The following NAE1 variants were observed in gnomAD, a reference collection of about 807,000 sequenced individuals.
The protein encoded by NAE1 is NEDD8 activating enzyme E1 subunit 1, also known as NEDD8-activating enzyme E1 regulatory subunit.
Under a neutral mutation model 88.0 loss-of-function variants are expected in NAE1, and 59 were observed. The observed-to-expected ratio is 0.67, with a 90% confidence interval of 0.54 to 0.83. The LOEUF is 0.83. Among genes scored for constraint, NAE1 ranks in the 40% least tolerant of loss-of-function variants. The pLI is 0.00. For synonymous variants in NAE1, 186 were observed against 208.9 expected (o/e 0.89, Z 0.95); for missense variants, 554 against 632.8 (o/e 0.88, Z 1.34).
intron 15 of NAE1, among the ~76,000 whole-genome samples, chr16:66,809,456 G>A (rs1168183949): frequency 1.3e-5 from 2 of 152,188 alleles, no homozygotes; most frequent in Non-Finnish European, 2.9e-5. Context: ...CATTATTATG[G>A]ATAAGTAGTC....
chr16:66,826,219 T>C (rs1393602081), intron 3 of NAE1: 4 of 334,218 alleles, frequency 1.2e-5, no homozygotes, highest in African/African-American at 6.3e-5. Flanking sequence ...TTGTTAATTA[T>C]ATGCTAACAC....
intron 6 of NAE1, among the ~76,000 whole-genome samples, chr16:66,822,670 ATTTATTTT>A (rs1567495410): frequency 2.1e-5 from 3 of 142,598 alleles, no homozygotes; most frequent in African/African-American, 7.7e-5. Context: ...TTATTTATTT[ATTTATTTT>A]TTTTTTTTGA....
intron 7 of NAE1, among the ~76,000 whole-genome samples, chr16:66,820,348 A>G (rs988329056): frequency 6.6e-6 from 1 of 152,258 alleles, no homozygotes; most frequent in Non-Finnish European, 1.5e-5. Context: ...GTCTGCCTAT[A>G]AACGACTTTG....
At chr16:66,818,204 T>A (rs1326897443) in intron 8 of NAE1, among the ~76,000 whole-genome samples, 1 of 152,174 alleles carries the variant, frequency 6.6e-6, no homozygotes, top group Non-Finnish European at 1.5e-5. Flanking sequence ...AAGGAGTAAA[T>A]CTTATTTATT....
At chr16:66,804,710 G>GT (rs1297626168) in intron 19 of NAE1, among the ~76,000 whole-genome samples, 3 of 152,080 alleles carry the variant, frequency 2.0e-5, no homozygotes, top group African/African-American at 7.2e-5. Context: ...CAGTGTAATT[G>GT]TATGAGGATA....
intron 11 of NAE1, 25 bp from the exon 12 acceptor site, chr16:66,813,871 A>T: frequency 6.3e-7 from 1 of 1,597,804 alleles, no homozygotes; most frequent in African/African-American, 1.3e-5. Flanking sequence ...TGAAACATTT[A>T]CTTACACAGT....
chr16:66,817,228 T>C, intron 9 of NAE1, 197 bp downstream of exon 9: 1 of 892,626 alleles, frequency 1.1e-6, no homozygotes, highest in Non-Finnish European at 1.7e-6. Flanking sequence ...CATAATGACA[T>C]TTATTGAATT....
rs770980813 is a variant in NAE1, at chr16:66,808,549, T to A, written c.1302A>T (p.Arg434Ser). 2 of 1,602,940 alleles carry A rather than the reference T, an allele frequency of 1.2e-6. No individual in the cohort carries two copies. Among genetic ancestry groups the A allele is most frequent in the Non-Finnish European group, 1.7e-6 (2 of 1,172,112 alleles). The change falls in exon 17 of 20, where the codon AGA becomes AGT. Residue 434 changes from arginine to serine, a missense_variant. Transcript: ENST00000290810. ...GATATCTACCCTGTTGTTTATGAAA[T>A]CTATCAACAGCCCGTAACATTAAGT... is the stretch of plus-strand genomic sequence containing the variant. ...VLYLMLRAVD[R>S]FHKQQGRYPG...
intron 7 of NAE1, among the ~76,000 whole-genome samples, chr16:66,820,367 C>A (rs971269756): frequency 2.0e-5 from 3 of 152,228 alleles, no homozygotes; most frequent in African/African-American, 7.2e-5. Context: ...TGGTCTCTTA[C>A]AACAGTTTCC....
chr16:66,814,782 C>T lies in NAE1; in HGVS notation c.841-936G>A, dbSNP rs1016174791. On this transcript the variant is annotated intron_variant, in intron 11 of 19. Transcript: ENST00000290810. ...TTTTAGAATACAAAGCAGCTCAATC[C>T]ACTTCCCTGACTGAAATGCTTAAAT... 2.6e-5 allele frequency among the ~76,000 whole-genome samples: 4 copies of T among 152,242 alleles called. No homozygotes were observed. In the East Asian group the frequency reaches 5.8e-4, roughly 22 times the overall value.
intron 14 of NAE1, 121 bp from the exon 15 acceptor site, chr16:66,810,534 AAAAAT>A: frequency 3.5e-6 from 4 of 1,127,322 alleles, no homozygotes; most frequent in Non-Finnish European, 5.2e-6. Flanking sequence ...AGAGCACTTT[AAAAAT>A]ATCTTGTTTC....
At chr16:66,803,741 C>T (rs1038509179) in intron 19 of NAE1, among the ~76,000 whole-genome samples, 2 of 152,054 alleles carry the variant, frequency 1.3e-5, no homozygotes, top group African/African-American at 4.8e-5. Flanking sequence ...CAGATGCCTG[C>T]CACCACACCT....
Position 66,821,872 on chromosome 16 carries a change from A to G in NAE1, c.402-313T>C, listed in dbSNP as rs363210. 5.0e-3 allele frequency among the ~76,000 whole-genome samples: 756 copies of G among 152,224 alleles called. 9 individuals are homozygous for G. Among genetic ancestry groups the G allele is most frequent in the African/African-American group, 0.018 (727 of 41,536 alleles). ...TAGAGAAAAAATATAAAACCCACAA[A>G]TACACCCCTAACAATTCCAATAACC... On this transcript the variant is annotated intron_variant, in intron 6 of 19. Coordinates refer to ENST00000290810, the MANE Select transcript of NAE1 (RefSeq NM_003905.4).
chr16:66,810,555 C>T, intron 14 of NAE1, 142 bp from the exon 15 acceptor site: 1 of 1,085,104 alleles, frequency 9.2e-7, no homozygotes, highest in Non-Finnish European at 1.4e-6. Flanking sequence ...GTTTCCTTAT[C>T]ACAAGCTATC....
chr16:66,811,121 G>A (rs363172), intron 13 of NAE1, among the ~76,000 whole-genome samples: 47,027 of 152,032 alleles, frequency 0.31, 8,553 homozygotes, highest in East Asian at 0.6. Flanking sequence ...CAAGTCCAAG[G>A]AAAGTTAAAT....
chr16:66,823,776 G>A (rs576257484), intron 4 of NAE1, among the ~76,000 whole-genome samples, 176 bp from the exon 5 acceptor site: 1 of 152,284 alleles, frequency 6.6e-6, no homozygotes, highest in South Asian at 2.1e-4. Context: ...CTGTTGCCCA[G>A]TTTGTAGCAT....
At chr16:66,827,750 AAT>A (rs1960524318) in intron 1 of NAE1, among the ~76,000 whole-genome samples, 1 of 152,210 alleles carries the variant, frequency 6.6e-6, no homozygotes, top group Non-Finnish European at 1.5e-5. Context: ...TGAACATTCT[AAT>A]AGAGTGATTA....
At chr16:66,822,318 C>A (rs1421632018) in intron 6 of NAE1, among the ~76,000 whole-genome samples, 1 of 152,200 alleles carries the variant, frequency 6.6e-6, no homozygotes, top group Non-Finnish European at 1.5e-5. Flanking sequence ...CAACTGTAAT[C>A]CCAGGACTTT....
intron 19 of NAE1, among the ~76,000 whole-genome samples, chr16:66,805,357 A>AT (rs1372355590): frequency 6.6e-6 from 1 of 152,158 alleles, no homozygotes; most frequent in African/African-American, 2.4e-5. Flanking sequence ...AGAAGGATTA[A>AT]TGACTCTTAA....
Sources: allele counts gnomAD v4.1 joint callset (sites outside exome capture counted in the v4.1 genomes callset), GRCh38; gene constraint gnomAD v4.1.1; transcripts MANE v1.5; gene names NCBI Gene and HGNC (gene_info 2026-07-23, HGNC 2026-07-21).